The following EPS8L1 variants were observed in gnomAD, a reference collection of about 807,000 sequenced individuals.
The protein encoded by EPS8L1 is EPS8 signaling adaptor L1, also known as epidermal growth factor receptor kinase substrate 8-like protein 1.
Under a neutral mutation model 91.7 loss-of-function variants are expected in EPS8L1, and 101 were observed. That is an observed-to-expected ratio of 1.10 (90% CI 0.94 to 1.30). The LOEUF (loss-of-function observed/expected upper bound fraction) is 1.30. Ranked by LOEUF, EPS8L1 falls within the 50% of genes most tolerant of loss-of-function variation. The pLI, the probability that EPS8L1 is intolerant of heterozygous loss-of-function variation, is 0.00. For missense variants in EPS8L1, 1,114 were observed against 1,017.0 expected (o/e 1.10, Z -1.30); for synonymous variants, 506 against 445.3 (o/e 1.14, Z -1.72).
chr19:55,082,310 T>C lies in EPS8L1; in HGVS notation c.1026T>C (p.Ser342=). ...RLRGNIADPS[S]PELLHFLFGP... is the part of the protein sequence containing the mutation. ...GCGGCAACATCGCCGACCCCTCCTC[T>C]CCGGAGCTGTTGCACTTCCTTTTCG... Residue 342 remains serine, a synonymous_variant, in exon 11 of 20, where the codon TCT becomes TCC. Transcript: ENST00000201647. 1 of 1,612,386 alleles carries C rather than the reference T, an allele frequency of 6.2e-7. No homozygotes were observed.
At chr19:55,080,310 C>T in intron 6 of EPS8L1, 32 bp downstream of exon 6, 7 of 1,537,692 alleles carry the variant, frequency 4.6e-6, no homozygotes, top group Non-Finnish European at 6.1e-6. Flanking sequence ...GGGGGTGGAG[C>T]TGGAACTGGG....
Position 55,081,297 on chromosome 19 carries a change from C to G in EPS8L1, c.579C>G (p.Arg193=). Residue 193 remains arginine, a synonymous_variant, in exon 8 of 20, where the codon CGC becomes CGG. Coordinates refer to ENST00000201647, the MANE Select transcript of EPS8L1 (RefSeq NM_133180.3). This position sits in a 1 kb window ranked among gnomAD's most constrained non-coding sequence, Gnocchi z 4.9. ...PAAETPPLQR[R]PSVRAVISTV... is the part of the protein sequence containing the mutation. ...CTGAGACCCCGCCCCTGCAGCGCCG[C>G]CCGTCAGTCCGCGCAGTGATCAGCA... 1 of 1,548,396 alleles carries G rather than the reference C, an allele frequency of 6.5e-7. No individual in the cohort carries two copies. The highest frequency in any genetic ancestry group is 1.4e-5 in the African/African-American group (1 of 73,700).
intron 12 of EPS8L1, 107 bp downstream of exon 12, chr19:55,082,709 G>A: frequency 9.0e-7 from 1 of 1,114,388 alleles, no homozygotes; most frequent in Non-Finnish European, 1.3e-6. Flanking sequence ...GAGTAGGGAG[G>A]GGTTAGAGGC....
In EPS8L1 at chr19:55,081,469, G is replaced by A. The variant is rs1047071079; in HGVS notation, c.751G>A (p.Val251Ile). The stretch of plus-strand genomic sequence containing the variant: ...GGGTCCCCGGGGTCCTGACCTGGCG[G>A]TTCTGCAGGCGGAGCGGGAAGTGGT... Reference protein sequence around the residue: ...DLGPRGPDLAVLQAEREVDIL... With the variant: ...DLGPRGPDLAILQAEREVDIL... The change falls in exon 8 of 20, where the codon GTT (valine) becomes ATT (isoleucine). Residue 251 changes from valine (V) to isoleucine (I), a missense_variant. Transcript: ENST00000201647. This position sits in a 1 kb window ranked among gnomAD's most constrained non-coding sequence, Gnocchi z 4.9. 14 of 1,592,262 alleles carry A rather than the reference G, an allele frequency of 8.8e-6. No individual in the cohort carries two copies. Among genetic ancestry groups the A allele is most frequent in the Non-Finnish European group, 1.2e-5 (14 of 1,170,344 alleles).
intron 6 of EPS8L1, 198 bp downstream of exon 6, chr19:55,080,476 T>C: frequency 6.2e-7 from 1 of 1,613,304 alleles, no homozygotes; most frequent in Non-Finnish European, 8.5e-7. Context: ...AGATAGAACA[T>C]GAAGGTGGGA....
intron 4 of EPS8L1, 122 bp from the exon 5 acceptor site, chr19:55,079,568 C>G (rs1474268737): frequency 1.3e-5 from 16 of 1,216,682 alleles, no homozygotes; most frequent in Admixed American, 2.7e-5. Flanking sequence ...AACAGGTGAT[C>G]AAGGAAGGCT....
chr19:55,079,423 TAGA>T (rs1369100539), intron 4 of EPS8L1, among the ~76,000 whole-genome samples: 2 of 152,080 alleles, frequency 1.3e-5, no homozygotes, highest in African/African-American at 4.8e-5. Context: ...AGGAGGCATT[TAGA>T]AGGAGAGAGC....
chr19:55,081,897 G>A lies in EPS8L1; in HGVS notation c.899G>A (p.Gly300Glu), dbSNP rs760177785. Reference sequence around the variant, plus strand: ...CGCAGGAGCCGGCGCCGGGCGGCTGGGGGTAAGGGGCACCCTGGCGTGGGA... The same window carrying A: ...CGCAGGAGCCGGCGCCGGGCGGCTGAGGGTAAGGGGCACCCTGGCGTGGGA... ...RGRRSRRRAAGEGLLTLRAKP... is the reference protein window; with the variant it reads ...RGRRSRRRAAEEGLLTLRAKP... Residue 300 changes from glycine to glutamate, a missense_variant and splice_region_variant, in exon 9 of 20, where the codon GGG becomes GAG. Physicochemically the swap from Gly to Glu is moderately conservative, Grantham distance 98. Coordinates refer to ENST00000201647, the MANE Select transcript of EPS8L1 (RefSeq NM_133180.3). This position sits in a 1 kb window ranked among gnomAD's most constrained non-coding sequence, Gnocchi z 4.9. The A allele has an allele frequency of 1.9e-6, 3 of 1,606,246 alleles. No homozygotes were observed. The highest frequency in any genetic ancestry group is 2.2e-5 in the East Asian group (1 of 44,656).
chr19:55,082,366 G>T lies in EPS8L1; in HGVS notation c.1065+17G>T. The stretch of plus-strand genomic sequence containing the variant: ...CTGCAGATGGTGAGACCCGCCCCAG[G>T]CCCTCGGGCCCCCCTGCAGCGGGAG... On this transcript the variant is annotated intron_variant, in intron 11 of 19. Coordinates refer to ENST00000201647, the MANE Select transcript of EPS8L1 (RefSeq NM_133180.3). 1.2e-6 allele frequency: 2 copies of T among 1,612,692 alleles called. No homozygotes were observed. Among genetic ancestry groups the T allele is most frequent in the Non-Finnish European group, 1.7e-6 (2 of 1,179,846 alleles).
Position 55,079,744 on chromosome 19 carries a change from G to A in EPS8L1, c.172G>A (p.Ala58Thr), listed in dbSNP as rs2147134576. Residue 58 changes from alanine to threonine, a missense_variant, in exon 5 of 20, where the codon GCC becomes ACC. Ala to Thr is a moderately conservative substitution (Grantham distance 58). Coordinates refer to ENST00000201647, the MANE Select transcript of EPS8L1 (RefSeq NM_133180.3). Reference protein sequence around the residue: ...EDDGVHTVEDASRKLAVMDSQ... With the variant: ...EDDGVHTVEDTSRKLAVMDSQ... ...CGATGGCGTGCATACCGTGGAGGAT[G>A]CCTCCAGGAAGTTGGCCGTCATGGA... The A allele has an allele frequency of 5.0e-6, 8 of 1,614,176 alleles. No homozygotes were observed. The highest frequency in any genetic ancestry group is 6.8e-6 in the Non-Finnish European group (8 of 1,180,020).
At chr19:55,076,780 G>A (rs969486641) in intron 2 of EPS8L1, among the ~76,000 whole-genome samples, 1 of 152,224 alleles carries the variant, frequency 6.6e-6, no homozygotes, top group Admixed American at 6.5e-5. Flanking sequence ...AAAAATTGGA[G>A]GGATAGTGCA....
At position 55,081,521 on chromosome 19, in the gene EPS8L1, CAGGGCCAGGCGACTGGAGGCGGGGCT is replaced by C. The variant is rs1356062016; in HGVS notation, c.774+35_774+60del. On this transcript the variant is annotated intron_variant, in intron 8 of 19. Coordinates refer to ENST00000201647, the MANE Select transcript of EPS8L1 (RefSeq NM_133180.3). This position sits in a 1 kb window ranked among gnomAD's most constrained non-coding sequence, Gnocchi z 4.9. The stretch of plus-strand genomic sequence containing the variant: ...AGCCGCTAAGGAAGGGGTCTGGGGG[CAGGGCCAGGCGACTGGAGGCGGGGCT>C]AGGGCGTGGAAGGGCGGGGCCGGCT... 2 of 1,529,682 alleles carry C rather than the reference CAGGGCCAGGCGACTGGAGGCGGGGCT, an allele frequency of 1.3e-6. No homozygotes were observed. Among genetic ancestry groups the C allele is most frequent in the Non-Finnish European group, 1.8e-6 (2 of 1,140,916 alleles). The allele number at this position is 1,529,682 out of a possible 1,614,324, so 94.8% of individuals were successfully genotyped here. A position where few individuals can be genotyped will look rare whatever the true frequency, so the allele number is the denominator to read the frequency against.
At chr19:55,084,095 T>G in intron 14 of EPS8L1, 1 of 271,804 alleles carries the variant, frequency 3.7e-6, no homozygotes, top group Non-Finnish European at 7.1e-6. Context: ...GTCTGGTGCT[T>G]GGGATCCTGG....
Position 55,086,380 on chromosome 19 carries a change from C to T in EPS8L1, c.1651-12C>T, listed in dbSNP as rs1421067932. The T allele has an allele frequency of 6.3e-7, 1 of 1,587,890 alleles. No individual in the cohort carries two copies. On this transcript the variant is annotated splice_polypyrimidine_tract_variant and intron_variant, in intron 16 of 19. Coordinates refer to ENST00000201647, the MANE Select transcript of EPS8L1 (RefSeq NM_133180.3). ...CTCCCTAACCCAGGTACTCTCCTCTCCTTCCTTTCAGAACAGCACTCCTCC... is the reference window on the plus strand; with the variant it reads ...CTCCCTAACCCAGGTACTCTCCTCTTCTTCCTTTCAGAACAGCACTCCTCC...
At chr19:55,080,301 G>C (rs1037793813) in intron 6 of EPS8L1, 23 bp downstream of exon 6, 1 of 1,537,150 alleles carries the variant, frequency 6.5e-7, no homozygotes, top group Non-Finnish European at 8.8e-7. Context: ...GCTGGCTCTG[G>C]GGGTGGAGCT....
At position 55,082,300 on chromosome 19, in the gene EPS8L1, A is replaced by AC; in HGVS notation, c.1020dup (p.Ser341LeufsTer50). The AC allele has an allele frequency of 6.2e-7, 1 of 1,610,646 alleles. No individual in the cohort carries two copies. Among genetic ancestry groups the AC allele is most frequent in the South Asian group, 1.1e-5 (1 of 90,948 alleles). Reference sequence around the variant, plus strand: ...GCCCGGCTGCGCGGCAACATCGCCGACCCCTCCTCTCCGGAGCTGTTGCAC... The same window carrying AC: ...GCCCGGCTGCGCGGCAACATCGCCGACCCCCTCCTCTCCGGAGCTGTTGCAC... On this transcript the variant is annotated frameshift_variant, in exon 11 of 20. Coordinates refer to ENST00000201647, the MANE Select transcript of EPS8L1 (RefSeq NM_133180.3). LOFTEE classifies it high-confidence loss of function.
rs73932291 is a variant in EPS8L1, at chr19:55,078,203, G to C, written c.58+75G>C. 6,181 of 1,420,052 alleles carry C rather than the reference G, an allele frequency of 4.4e-3. 214 individuals carry two copies. In the African/African-American group the frequency reaches 0.075, roughly 17 times the overall value. 88.0% of individuals were successfully genotyped at this position (1,420,052 alleles called of 1,614,324 possible). On this transcript the variant is annotated intron_variant, in intron 3 of 19. Coordinates refer to ENST00000201647, the MANE Select transcript of EPS8L1 (RefSeq NM_133180.3). ...AACAGGACCTGGCATCCAGGGTCTT[G>C]GAGGAGGAGGGGCTGGGGGTCTGGA...
intron 14 of EPS8L1, among the ~76,000 whole-genome samples, chr19:55,084,810 C>T (rs45502193): frequency 2.7e-4 from 41 of 152,278 alleles, no homozygotes; most frequent in Non-Finnish European, 4.1e-4. Context: ...AATGATTATC[C>T]GTTCCCGGAA....
At chr19:55,079,964 C>T in intron 5 of EPS8L1, 113 bp downstream of exon 5, 1 of 1,449,674 alleles carries the variant, frequency 6.9e-7, no homozygotes, top group Non-Finnish European at 9.1e-7. Flanking sequence ...CGAGGGACCC[C>T]AGCCCCCTTC....
Sources: allele counts gnomAD v4.1 joint callset (sites outside exome capture counted in the v4.1 genomes callset), GRCh38; gene constraint gnomAD v4.1.1; non-coding constraint Gnocchi (gnomAD v3.1); transcripts MANE v1.5; gene names NCBI Gene and HGNC (gene_info 2026-07-23, HGNC 2026-07-21).